FRY: variants seen among roughly 807,000 people sequenced by gnomAD.
The protein encoded by FRY is protein furry homolog.
FRY carries 128 observed loss-of-function variants against 348.4 expected under a neutral mutation model. The observed-to-expected ratio is 0.37, with a 90% confidence interval of 0.32 to 0.43. The LOEUF is 0.43. Among genes scored for constraint, FRY ranks in the 20% least tolerant of loss-of-function variants. The pLI is 1.00. For missense variants in FRY, 2,736 were observed against 3,695.2 expected, an observed-to-expected ratio of 0.74 and a Z score of 6.73; for synonymous variants, 1,370 against 1,374.7, an observed-to-expected ratio of 1.00 and a Z score of 0.08.
Position 32,148,690 on chromosome 13 carries a change from T to G in FRY, c.1392+743T>G, listed in dbSNP as rs142752060. Among the ~76,000 whole-genome samples, 450 of 152,302 alleles carry G rather than the reference T, an allele frequency of 3.0e-3. 5 individuals are homozygous for G. The highest frequency in any genetic ancestry group is 0.01 in the African/African-American group (421 of 41,570). On this transcript the variant is annotated intron_variant, in intron 13 of 60. Coordinates refer to ENST00000542859, the MANE Select transcript of FRY (RefSeq NM_023037.3). ...AACATCTTTTTTCTGTGTCTTTATC[T>G]GTAAAATGGGGATAAAAATGCTTGC...
rs987908563 is a variant in FRY, at chr13:32,224,266, G to A, written c.4797G>A (p.Leu1599=). ...NDPISPYTGW[L]LTITETKQPQ... ...CAATTTCTCCCTACACGGGCTGGTT[G>A]CTGACTATTACAGAGACCAAGCAGC... The change falls in exon 37 of 61, where the codon TTG becomes TTA. Residue 1599 remains leucine (L), a synonymous_variant. Transcript: ENST00000542859. 2 of 1,613,928 alleles carry A rather than the reference G, an allele frequency of 1.2e-6. No individual in the cohort carries two copies. Among genetic ancestry groups the A allele is most frequent in the Admixed American group, 1.7e-5 (1 of 59,998 alleles).
chr13:32,124,670 A>T lies in FRY; in HGVS notation c.624A>T (p.Lys208Asn). The T allele has an allele frequency of 6.3e-7, 1 of 1,574,906 alleles. No homozygotes were observed. ...TTAACTTGGCTTTCAAGCACTTTAA[A>T]TACAAAGAAGGGTAAGATGATTTCT... Reference protein sequence around the residue: ...DVINLAFKHFKYKEGYLGPNT... With the variant: ...DVINLAFKHFNYKEGYLGPNT... Residue 208 changes from lysine to asparagine, a missense_variant, in exon 6 of 61, where the codon AAA becomes AAT. Transcript: ENST00000542859.
chr13:32,049,008 C>G (rs1205878102), intron 1 of FRY, among the ~76,000 whole-genome samples: 3 of 152,160 alleles, frequency 2.0e-5, no homozygotes, highest in Admixed American at 6.6e-5. Context: ...CTCTGGGCTT[C>G]ACAATCAAAG....
At chr13:32,268,536 A>ATATATATATATC (rs1888059879) in intron 55 of FRY, among the ~76,000 whole-genome samples, 1 of 134,606 alleles carries the variant, frequency 7.4e-6, no homozygotes, top group African/African-American at 2.8e-5. Flanking sequence ...ATATATATAT[A>ATATATATATATC]TATCTAGATT....
At chr13:32,226,124 A>G (rs1314488144) in intron 39 of FRY, 150 bp downstream of exon 39, 3 of 671,566 alleles carry the variant, frequency 4.5e-6, no homozygotes, top group Admixed American at 2.4e-5. Context: ...AATACACACC[A>G]TTTCACTTGA....
At chr13:32,105,532 C>G (rs906733884) in intron 3 of FRY, among the ~76,000 whole-genome samples, 1 of 152,162 alleles carries the variant, frequency 6.6e-6, no homozygotes, top group South Asian at 2.1e-4. Context: ...GTCTCTTAGT[C>G]CTTTGGCATT....
chr13:32,146,221 A>G (rs926477589), intron 11 of FRY, among the ~76,000 whole-genome samples: 2 of 151,292 alleles, frequency 1.3e-5, no homozygotes, highest in African/African-American at 4.9e-5. Context: ...ATCTAGGGCC[A>G]CAAACTGTGG....
chr13:32,044,485 T>C (rs1019653737), intron 1 of FRY, among the ~76,000 whole-genome samples: 4 of 152,200 alleles, frequency 2.6e-5, no homozygotes, highest in Non-Finnish European at 4.4e-5. Flanking sequence ...CAAATACCAT[T>C]TTGTAGAATA....
rs1253549251 is a variant in FRY at position 32,209,622 on chromosome 13, C to T, written c.4313C>T (p.Ala1438Val). 6.2e-7 allele frequency: 1 copy of T among 1,613,962 alleles called. No homozygotes were observed. The highest frequency in any genetic ancestry group is 1.7e-5 in the Admixed American group (1 of 60,018). The change falls in exon 33 of 61, where the codon GCT becomes GTT. Residue 1438 changes from alanine to valine, a missense_variant. Ala to Val is a moderately conservative substitution (Grantham distance 64, BLOSUM62 0). Transcript: ENST00000542859. ...DEVPGPEMENAWNALANNEKW... is the reference protein window; with the variant it reads ...DEVPGPEMENVWNALANNEKW... ...GTTCCTGGGCCAGAAATGGAAAATGCTTGGAATGCTTTAGCCAACAATGAG... is the reference window on the plus strand; with the variant it reads ...GTTCCTGGGCCAGAAATGGAAAATGTTTGGAATGCTTTAGCCAACAATGAG...
intron 1 of FRY, among the ~76,000 whole-genome samples, chr13:32,035,159 C>G (rs551420506): frequency 9.9e-5 from 15 of 152,194 alleles, no homozygotes; most frequent in Non-Finnish European, 1.9e-4. Flanking sequence ...AAATCCACTT[C>G]AAATCGGATG....
intron 1 of FRY, among the ~76,000 whole-genome samples, chr13:32,069,105 C>T (rs557769561): frequency 3.9e-5 from 6 of 152,002 alleles, no homozygotes; most frequent in South Asian, 4.2e-4. Flanking sequence ...TTAGTAGAGA[C>T]GGGGTTTCAC....
intron 29 of FRY, among the ~76,000 whole-genome samples, chr13:32,200,762 A>G (rs76180887): frequency 6.6e-6 from 1 of 152,194 alleles, no homozygotes; most frequent in East Asian, 1.9e-4. Context: ...TATACTGCCA[A>G]TTGCCACATA....
At chr13:32,074,762 A>G (rs1874920834) in intron 1 of FRY, among the ~76,000 whole-genome samples, 1 of 152,250 alleles carries the variant, frequency 6.6e-6, no homozygotes, top group Non-Finnish European at 1.5e-5. Flanking sequence ...TTCAACAAGT[A>G]TTTGGATGGG....
chr13:32,128,068 A>G (rs1325721503), intron 7 of FRY, among the ~76,000 whole-genome samples: 1 of 152,202 alleles, frequency 6.6e-6, no homozygotes, highest in African/African-American at 2.4e-5. Context: ...AAAGAAATAC[A>G]ATTTTTTAAA....
rs760415308 is a variant in FRY at position 32,244,071 on chromosome 13, G to A, written c.6717G>A (p.Gln2239=). 6.2e-7 allele frequency: 1 copy of A among 1,614,110 alleles called. No homozygotes were observed. Residue 2239 remains glutamine, a synonymous_variant, in exon 47 of 61, where the codon CAG becomes CAA. Transcript: ENST00000542859. ...ELLEKGLPSV[Q]QPLLQVIYSL... is the part of the protein sequence containing the mutation. ...TGGAGAAGGGCCTCCCTAGTGTGCA[G>A]CAGCCCCTGCTCCAGGTGATCTACA...
intron 11 of FRY, among the ~76,000 whole-genome samples, chr13:32,138,118 G>GT (rs947763620): frequency 1.3e-5 from 2 of 149,936 alleles, no homozygotes; most frequent in African/African-American, 4.9e-5. Flanking sequence ...TTTCAGGTTT[G>GT]TTTTTTTTGT....
At chr13:32,142,146 A>T (rs1880112524) in intron 11 of FRY, among the ~76,000 whole-genome samples, 3 of 152,202 alleles carry the variant, frequency 2.0e-5, no homozygotes, top group African/African-American at 7.2e-5. Context: ...AGACAGAAGA[A>T]GAAGAAGTGC....
intron 58 of FRY, among the ~76,000 whole-genome samples, chr13:32,286,455 T>C (rs1485259659): frequency 6.6e-6 from 1 of 152,070 alleles, no homozygotes; most frequent in Non-Finnish European, 1.5e-5. Context: ...CATCAAAAAA[T>C]GGTAGCTGCT....
chr13:32,182,896 G>T, intron 23 of FRY, 81 bp from the exon 24 acceptor site: 1 of 852,774 alleles, frequency 1.2e-6, no homozygotes, highest in Non-Finnish European at 2.0e-6. Flanking sequence ...AGTGATTTGG[G>T]ATTAAATGGA....
Sources: gnomAD v4.1 joint callset for allele counts (sites outside exome capture counted in the v4.1 genomes callset) on GRCh38, gnomAD v4.1.1 for gene constraint, MANE v1.5 for transcripts, NCBI Gene and HGNC (gene_info 2026-07-23, HGNC 2026-07-21) for gene names.